ST6GALNAC3: variants seen among roughly 807,000 people sequenced by gnomAD.
ST6GALNAC3 encodes ST6 N-acetylgalactosaminide alpha-2,6-sialyltransferase 3.
In ST6GALNAC3, 25 loss-of-function variants were observed where a neutral mutation model predicts 32.7. The observed-to-expected ratio is 0.76, with a 90% CI of 0.56 to 1.07. The LOEUF (loss-of-function observed/expected upper bound fraction) is 1.07, where lower values mean the gene tolerates loss of function less well. Ranked by LOEUF, ST6GALNAC3 falls within the 50% of genes least tolerant of loss-of-function variation. The pLI is 0.00. For synonymous variants in ST6GALNAC3, 129 were observed against 133.1 expected, an observed-to-expected ratio of 0.97 and a Z score of 0.21; for missense variants, 355 against 382.4, an observed-to-expected ratio of 0.93 and a Z score of 0.60.
At chr1:76,246,182 G>T (rs1657246768) in intron 1 of ST6GALNAC3, among the ~76,000 whole-genome samples, 1 of 152,006 alleles carries the variant, frequency 6.6e-6, no homozygotes, top group African/African-American at 2.4e-5. Context: ...TGTCTTTTTT[G>T]ATCTTTGTTG....
intron 3 of ST6GALNAC3, among the ~76,000 whole-genome samples, chr1:76,546,775 C>T (rs1307648663): frequency 6.6e-6 from 1 of 152,300 alleles, no homozygotes; most frequent in Non-Finnish European, 1.5e-5. Flanking sequence ...CAGGTTGAGG[C>T]TGCCTGTGCA....
chr1:76,568,743 C>T (rs1665697112), intron 3 of ST6GALNAC3, among the ~76,000 whole-genome samples: 1 of 152,100 alleles, frequency 6.6e-6, no homozygotes, highest in African/African-American at 2.4e-5. Context: ...GAGCTGTGGC[C>T]TCAAATCCCA....
intron 3 of ST6GALNAC3, among the ~76,000 whole-genome samples, chr1:76,516,130 G>A (rs1360802002): frequency 6.6e-6 from 1 of 152,178 alleles, no homozygotes; most frequent in African/African-American, 2.4e-5. Flanking sequence ...ATGCTGGAAA[G>A]CTGCACAGTG....
chr1:76,107,866 A>G (rs1032005119), intron 1 of ST6GALNAC3, among the ~76,000 whole-genome samples: 1 of 152,090 alleles, frequency 6.6e-6, no homozygotes, highest in African/African-American at 2.4e-5. Context: ...TTGCTCCTAT[A>G]TGCCCTTTCA....
At chr1:76,330,235 C>T (rs533728848) in intron 2 of ST6GALNAC3, among the ~76,000 whole-genome samples, 3 of 152,242 alleles carry the variant, frequency 2.0e-5, no homozygotes, top group Non-Finnish European at 2.9e-5. Flanking sequence ...TCACTGCAAC[C>T]TCTGCCTCCT....
chr1:76,203,859 A>G (rs769127224), intron 1 of ST6GALNAC3, among the ~76,000 whole-genome samples: 1 of 152,218 alleles, frequency 6.6e-6, no homozygotes, highest in Non-Finnish European at 1.5e-5. Flanking sequence ...CACCTTAAAT[A>G]TATGTCTTTT....
intron 3 of ST6GALNAC3, among the ~76,000 whole-genome samples, chr1:76,456,835 G>A (rs186755730): frequency 2.0e-5 from 3 of 152,282 alleles, no homozygotes; most frequent in Middle Eastern, 3.4e-3. Context: ...TCAACATAGT[G>A]TTGGATGTTC....
At chr1:76,250,523 G>A (rs1335693314) in intron 1 of ST6GALNAC3, among the ~76,000 whole-genome samples, 2 of 152,188 alleles carry the variant, frequency 1.3e-5, no homozygotes, top group Non-Finnish European at 2.9e-5. Context: ...AAAGTAAGCA[G>A]AGGCCTTCAG....
chr1:76,164,075 A>G (rs1651976054), intron 1 of ST6GALNAC3, among the ~76,000 whole-genome samples: 2 of 152,156 alleles, frequency 1.3e-5, no homozygotes, highest in Non-Finnish European at 2.9e-5. Flanking sequence ...AAGGTGAAAA[A>G]CCAACAGATG....
chr1:76,084,561 CA>C lies in ST6GALNAC3; in HGVS notation c.18+9680del, dbSNP rs1646940117. The stretch of plus-strand genomic sequence containing the variant: ...ATGGGAGCAATTTAAATGTCCAGAA[CA>C]AACCACATGTCTTCTTTTAAGTCCA... On this transcript the variant is annotated intron_variant, in intron 1 of 4. Transcript: ENST00000328299. Among the ~76,000 whole-genome samples, 3 of 152,192 alleles carry C rather than the reference CA, an allele frequency of 2.0e-5. No individual in the cohort carries two copies. In the South Asian group the frequency reaches 6.2e-4, roughly 32 times the overall value.
intron 3 of ST6GALNAC3, among the ~76,000 whole-genome samples, chr1:76,570,356 T>A (rs1665789212): frequency 6.6e-6 from 1 of 151,942 alleles, no homozygotes; most frequent in Non-Finnish European, 1.5e-5. Context: ...CTTCCTTTTC[T>A]CTCCCTCTCC....
At chr1:76,112,386 C>T (rs1426511710) in intron 1 of ST6GALNAC3, among the ~76,000 whole-genome samples, 1 of 145,652 alleles carries the variant, frequency 6.9e-6, no homozygotes, top group Non-Finnish European at 1.5e-5. Context: ...CCCCCCACCT[C>T]CTTCCCGGAC....
intron 3 of ST6GALNAC3, among the ~76,000 whole-genome samples, chr1:76,495,563 C>T (rs907578685): frequency 6.6e-6 from 1 of 152,152 alleles, no homozygotes; most frequent in African/African-American, 2.4e-5. Context: ...TAACTTACCT[C>T]CAAGTTGTAG....
intron 3 of ST6GALNAC3, among the ~76,000 whole-genome samples, chr1:76,448,557 C>T (rs558742903): frequency 6.6e-6 from 1 of 152,134 alleles, no homozygotes; most frequent in East Asian, 1.9e-4. Context: ...TGAATTACCA[C>T]ATGTTGTGGG....
chr1:76,205,132 C>T (rs1175819743), intron 1 of ST6GALNAC3, among the ~76,000 whole-genome samples: 5 of 152,202 alleles, frequency 3.3e-5, no homozygotes, highest in Non-Finnish European at 5.9e-5. Flanking sequence ...TATCAACACC[C>T]TTCAACATGT....
chr1:76,508,617 A>G (rs1661632751), intron 3 of ST6GALNAC3, among the ~76,000 whole-genome samples: 1 of 152,138 alleles, frequency 6.6e-6, no homozygotes, highest in Non-Finnish European at 1.5e-5. Flanking sequence ...TGAGGAAGGC[A>G]TCCAAAGAGA....
intron 1 of ST6GALNAC3, among the ~76,000 whole-genome samples, chr1:76,151,209 A>T (rs1651019928): frequency 2.0e-5 from 3 of 152,132 alleles, no homozygotes; most frequent in Admixed American, 2.0e-4. Context: ...AATCACTGGG[A>T]ATCAGGAGGA....
At chr1:76,556,429 T>G (rs1423071800) in intron 3 of ST6GALNAC3, among the ~76,000 whole-genome samples, 1 of 152,088 alleles carries the variant, frequency 6.6e-6, no homozygotes, top group Non-Finnish European at 1.5e-5. Context: ...TTATACTAAC[T>G]CTATGTTCAA....
At chr1:76,111,330 T>A (rs536146616) in intron 1 of ST6GALNAC3, among the ~76,000 whole-genome samples, 61 of 150,278 alleles carry the variant, frequency 4.1e-4, no homozygotes, top group Non-Finnish European at 7.1e-4. Flanking sequence ...GACGTCTTAG[T>A]GAGAGGTTTG....
Sources: gnomAD v4.1 joint callset for allele counts (sites outside exome capture counted in the v4.1 genomes callset) on GRCh38, gnomAD v4.1.1 for gene constraint, MANE v1.5 for transcripts, NCBI Gene and HGNC (gene_info 2026-07-23, HGNC 2026-07-21) for gene names.